The following OCA2 variants were observed in gnomAD, a reference collection of about 807,000 sequenced individuals.
OCA2 encodes the protein P protein.
Under a neutral mutation model 100.2 loss-of-function variants are expected in OCA2, and 77 were observed. The observed-to-expected ratio is 0.77, with a 90% CI of 0.64 to 0.93. The LOEUF is 0.93. Ranked by LOEUF, OCA2 falls within the 40% of genes least tolerant of loss-of-function variation. The pLI is 0.00. For synonymous variants in OCA2, 432 were observed against 439.2 expected (o/e 0.98, Z 0.21); for missense variants, 1,062 against 1,089.1 (o/e 0.98, Z 0.35).
chr15:28,030,207 C>T (rs1177637379), intron 3 of OCA2, among the ~76,000 whole-genome samples: 2 of 152,194 alleles, frequency 1.3e-5, no homozygotes, highest in African/African-American at 4.8e-5. Flanking sequence ...ACACTCCTTA[C>T]CCATCCAGTC....
chr15:27,819,168 G>A (rs937822266), intron 23 of OCA2, among the ~76,000 whole-genome samples: 1 of 152,174 alleles, frequency 6.6e-6, no homozygotes, highest in African/African-American at 2.4e-5. Flanking sequence ...CTGCTGTGAG[G>A]ACCAACTAAG....
chr15:27,887,617 CTTT>C (rs34199755), intron 19 of OCA2, among the ~76,000 whole-genome samples: 59 of 120,262 alleles, frequency 4.9e-4, no homozygotes, highest in Middle Eastern at 4.8e-3. Flanking sequence ...CACTAAACCT[CTTT>C]TTTTTTTTTT....
chr15:28,011,961 C>T (rs2042253379), intron 9 of OCA2, among the ~76,000 whole-genome samples: 1 of 150,924 alleles, frequency 6.6e-6, no homozygotes, highest in South Asian at 2.1e-4. Context: ...TGCCTGTAAT[C>T]CCAGCGCTTT....
Position 27,777,765 on chromosome 15 carries a change from C to T in OCA2, c.2433-22293G>A, listed in dbSNP as rs559706650. Among the ~76,000 whole-genome samples, 90 of 152,294 alleles carry T rather than the reference C, an allele frequency of 5.9e-4. 2 individuals are homozygous for T. The highest frequency in any genetic ancestry group is 2.1e-3 in the African/African-American group (87 of 41,576). ...GGGTCTCCCTTGCCTGGCCTGGTGG[C>T]TCAGAGGTCAGGAGCACCTGGAGGG... On this transcript the variant is annotated intron_variant, in intron 23 of 23. Coordinates refer to ENST00000354638, the MANE Select transcript of OCA2 (RefSeq NM_000275.3).
chr15:27,774,472 A>G (rs2032074579), intron 23 of OCA2, among the ~76,000 whole-genome samples: 1 of 152,156 alleles, frequency 6.6e-6, no homozygotes, highest in Non-Finnish European at 1.5e-5. Flanking sequence ...CTCGGAAGGT[A>G]CCTTCATGTG....
chr15:27,746,005 C>A, the OCA2 span, among the ~76,000 whole-genome samples: 1 of 152,160 alleles, frequency 6.6e-6, no homozygotes, highest in Non-Finnish European at 1.5e-5. Flanking sequence ...TAACTTCTGC[C>A]CCCCTAAAAT....
intron 17 of OCA2, among the ~76,000 whole-genome samples, chr15:27,953,996 G>A (rs1311570876): frequency 6.6e-6 from 1 of 152,058 alleles, no homozygotes; most frequent in East Asian, 1.9e-4. Flanking sequence ...ACTTATAAGT[G>A]AGAACATACA....
intron 9 of OCA2, among the ~76,000 whole-genome samples, chr15:28,014,083 C>T (rs75903333): frequency 7.4e-4 from 112 of 152,324 alleles, no homozygotes; most frequent in African/African-American, 2.5e-3. Flanking sequence ...ATCCCAAGCT[C>T]ACTAGGACGC....
chr15:27,947,557 G>A (rs1259851568), intron 18 of OCA2, among the ~76,000 whole-genome samples: 1 of 152,194 alleles, frequency 6.6e-6, no homozygotes, highest in Non-Finnish European at 1.5e-5. Flanking sequence ...GGTCTGCCCT[G>A]GAGCCCATGC....
At chr15:28,003,111 C>A (rs947045898) in intron 9 of OCA2, among the ~76,000 whole-genome samples, 3 of 152,238 alleles carry the variant, frequency 2.0e-5, no homozygotes, top group Non-Finnish European at 4.4e-5. Context: ...TGTGCTTCTT[C>A]CCCCACGTGA....
At chr15:27,735,636 A>G in the OCA2 span, among the ~76,000 whole-genome samples, 408 of 152,308 alleles carry the variant, frequency 2.7e-3, 4 homozygotes, top group African/African-American at 9.3e-3. Context: ...AAATAAAATA[A>G]AAGGAGTTAC....
intron 23 of OCA2, among the ~76,000 whole-genome samples, chr15:27,813,065 G>A (rs2034142341): frequency 6.6e-6 from 1 of 152,182 alleles, no homozygotes; most frequent in Non-Finnish European, 1.5e-5. Flanking sequence ...AGGTGTCAAG[G>A]GTCAGGAGGG....
At chr15:27,764,190 G>A (rs893557342) in intron 23 of OCA2, among the ~76,000 whole-genome samples, 3 of 151,662 alleles carry the variant, frequency 2.0e-5, no homozygotes, top group Non-Finnish European at 4.4e-5. Context: ...GAAAGAAGGA[G>A]GGACAGAGGC....
chr15:27,849,884 G>A (rs2035683309), intron 22 of OCA2, among the ~76,000 whole-genome samples: 1 of 152,116 alleles, frequency 6.6e-6, no homozygotes, highest in Admixed American at 6.5e-5. Context: ...AGGGCCTTGA[G>A]AGAATAAGTG....
chr15:27,913,895 GCAAGCA>G (rs1205509557), intron 19 of OCA2, among the ~76,000 whole-genome samples: 1 of 38,996 alleles, frequency 2.6e-5, no homozygotes, highest in African/African-American at 9.9e-5. Context: ...AAGAAAGAAA[GCAAGCA>G]AGCAAGCAAG....
chr15:27,983,519 T>C (rs762849880), intron 13 of OCA2, 36 bp from the exon 14 acceptor site: 1 of 1,613,034 alleles, frequency 6.2e-7, no homozygotes, highest in Non-Finnish European at 8.5e-7. Flanking sequence ...GTAGTCCCAC[T>C]ATACACATCG....
At chr15:27,977,305 G>A (rs541368588) in intron 14 of OCA2, among the ~76,000 whole-genome samples, 1 of 152,094 alleles carries the variant, frequency 6.6e-6, no homozygotes, top group Non-Finnish European at 1.5e-5. Flanking sequence ...TGATTCCATA[G>A]GATAAAGCTG....
At chr15:28,026,171 T>A (rs1471980334) in intron 4 of OCA2, among the ~76,000 whole-genome samples, 2 of 152,242 alleles carry the variant, frequency 1.3e-5, no homozygotes, top group Non-Finnish European at 2.9e-5. Context: ...TTTAGACATG[T>A]TATAAAGAAT....
Position 27,770,906 on chromosome 15 carries a change from C to CCTTCCCTCCTCCCTCCCTCCTTTTT in OCA2, c.2433-15435_2433-15434insAAAAAGGAGGGAGGGAGGAGGGAAG, listed in dbSNP as rs1240736655. ...TGCTCCTTCCCATCTCCTTTTCCTT[C>CCTTCCCTCCTCCCTCCCTCCTTTTT]CTTCCCTCCTCCCTCCCTCTTTTCC... On this transcript the variant is annotated intron_variant, in intron 23 of 23. Coordinates refer to ENST00000354638, the MANE Select transcript of OCA2 (RefSeq NM_000275.3). Among the ~76,000 whole-genome samples the CCTTCCCTCCTCCCTCCCTCCTTTTT allele has an allele frequency of 3.2e-3, 450 of 139,446 alleles. 6 individuals carry two copies. Among genetic ancestry groups the CCTTCCCTCCTCCCTCCCTCCTTTTT allele is most frequent in the African/African-American group, 0.012 (433 of 36,858 alleles). 91.5% of individuals were successfully genotyped at this position (139,446 alleles called of 152,430 possible). A position where few individuals can be genotyped will look rare whatever the true frequency, so the allele number is the denominator to read the frequency against.
Sources: allele counts gnomAD v4.1 joint callset (sites outside exome capture counted in the v4.1 genomes callset), GRCh38; gene constraint gnomAD v4.1.1; transcripts MANE v1.5; gene names NCBI Gene and HGNC (gene_info 2026-07-23, HGNC 2026-07-21).